The following ZNRF3 variants were observed in gnomAD, a reference collection of about 807,000 sequenced individuals.
The protein encoded by ZNRF3 is zinc and ring finger 3.
In ZNRF3, 23 loss-of-function variants were observed where a neutral mutation model predicts 72.5. The ratio of observed to expected loss-of-function variants is 0.32; its 90% CI spans 0.23 to 0.45. The LOEUF (loss-of-function observed/expected upper bound fraction) is 0.45, where lower values mean the gene tolerates loss of function less well. ZNRF3 is among the 20% of genes least tolerant of loss of function. ZNRF3 has a pLI of 1.00. For missense variants in ZNRF3, 1,169 were observed against 1,272.1 expected, an observed-to-expected ratio of 0.92 and a Z score of 1.23; for synonymous variants, 610 against 545.3, an observed-to-expected ratio of 1.12 and a Z score of -1.65.
At chr22:29,047,512 G>A (rs1569295520) in intron 6 of ZNRF3, among the ~76,000 whole-genome samples, 1 of 152,232 alleles carries the variant, frequency 6.6e-6, no homozygotes, top group African/African-American at 2.4e-5. Flanking sequence ...GAATAGAATA[G>A]TAGATTCTTA....
In ZNRF3 at chr22:29,046,801, G is replaced by A. The variant is rs774958169; in HGVS notation, c.830G>A (p.Gly277Glu). 3.7e-6 allele frequency: 6 copies of A among 1,611,844 alleles called. No homozygotes were observed. In the East Asian group the frequency reaches 1.3e-4, roughly 36 times the overall value. Residue 277 changes from glycine (G) to glutamate (E), a missense_variant, in exon 6 of 9, where the codon GGG becomes GAG. Gly to Glu is a moderately conservative substitution (Grantham distance 98). Coordinates refer to ENST00000544604, the MANE Select transcript of ZNRF3 (RefSeq NM_001206998.2). The part of the protein sequence containing the change: ...FNSKSKGRRE[G>E]SCGALDTLSS... ...TCCAAGAGCAAGGGGCGCCGGGAGG[G>A]GAGCTGTGGGGCCCTGGACACACTC...
intron 1 of ZNRF3, among the ~76,000 whole-genome samples, chr22:28,933,731 CA>C (rs1243619097): frequency 0.34 from 5,430 of 15,800 alleles, 529 homozygotes; most frequent in East Asian, 0.6. Flanking sequence ...CCACCCCCCC[CA>C]CACACACACA....
Position 29,050,349 on chromosome 22 carries a change from C to T in ZNRF3, c.2168C>T (p.Pro723Leu). Reference sequence around the variant, plus strand: ...GAGCCCCAGCCCTCCCCAGCCGGGCCTAGCGCCGGAGCAGCTGGCAGCAGC... The same window carrying T: ...GAGCCCCAGCCCTCCCCAGCCGGGCTTAGCGCCGGAGCAGCTGGCAGCAGC... Reference protein sequence around the residue: ...CCEPQPSPAGPSAGAAGSSTL... With the variant: ...CCEPQPSPAGLSAGAAGSSTL... The change falls in exon 8 of 9, where the codon CCT becomes CTT. Residue 723 changes from proline (P) to leucine (L), a missense_variant. By Grantham distance (98) the Pro-to-Leu change is moderately conservative (BLOSUM62 -3). Around this residue, in one of 2 missense-constraint regions of ZNRF3, gnomAD observed 783 missense variants for 731.4 expected, o/e 1.07. Transcript: ENST00000544604. 2 of 1,603,124 alleles carry T rather than the reference C, an allele frequency of 1.2e-6. No homozygotes were observed. Among genetic ancestry groups the T allele is most frequent in the Non-Finnish European group, 1.7e-6 (2 of 1,176,490 alleles).
chr22:29,031,983 G>C (rs1279526542), intron 2 of ZNRF3, among the ~76,000 whole-genome samples: 1 of 152,222 alleles, frequency 6.6e-6, no homozygotes, highest in African/African-American at 2.4e-5. Flanking sequence ...TTGAGTTGGG[G>C]ATTTTGAAGC....
Position 29,049,705 on chromosome 22 carries a change from C to T in ZNRF3, c.1524C>T (p.Leu508=). 1 of 1,605,716 alleles carries T rather than the reference C, an allele frequency of 6.2e-7. No individual in the cohort carries two copies. ...CTCCGAGCGGCAGTGGCAGCCTGCT[C>T]TTCCCCACCGTGGTGCACGTGGCCC... ...AFPPSGSGSL[L]FPTVVHVAPP... is the part of the protein sequence containing the mutation. The change falls in exon 8 of 9, where the codon CTC becomes CTT. Residue 508 remains leucine, a synonymous_variant. Transcript: ENST00000544604. This position sits in a 1 kb window ranked among gnomAD's most constrained non-coding sequence, Gnocchi z 5.2.
Position 29,048,561 on chromosome 22 carries a change from GC to G in ZNRF3, c.1015+71del. The G allele has an allele frequency of 6.7e-7, 1 of 1,502,768 alleles. No homozygotes were observed. The highest frequency in any genetic ancestry group is 1.1e-5 in the South Asian group (1 of 87,154). 93.1% of individuals were successfully genotyped at this position (1,502,768 alleles called of 1,614,324 possible). Reference sequence around the variant, plus strand: ...AGCTAGAGTGTGACACACACCGCAGGCTTGGGAACACTCAGAACCACCGTGG... The same window carrying G: ...AGCTAGAGTGTGACACACACCGCAGGTTGGGAACACTCAGAACCACCGTGG... On this transcript the variant is annotated intron_variant, in intron 7 of 8. Coordinates refer to ENST00000544604, the MANE Select transcript of ZNRF3 (RefSeq NM_001206998.2). The surrounding 1 kb of genome is among the most constrained non-coding windows in gnomAD (Gnocchi z 4.9).
chr22:28,994,172 C>CTTTTTTTTTTTT, intron 2 of ZNRF3, among the ~76,000 whole-genome samples: 1 of 78,762 alleles, frequency 1.3e-5, no homozygotes, highest in Non-Finnish European at 2.4e-5. Flanking sequence ...CCTTCAGTTC[C>CTTTTTTTTTTTT]TTTCTTTTTT....
At chr22:28,895,313 C>G (rs2033970787) in intron 1 of ZNRF3, among the ~76,000 whole-genome samples, 1 of 152,172 alleles carries the variant, frequency 6.6e-6, no homozygotes, top group African/African-American at 2.4e-5. Flanking sequence ...GATCTTTGCT[C>G]CTTCTCTCTT....
intron 1 of ZNRF3, among the ~76,000 whole-genome samples, chr22:28,893,465 C>T (rs547526228): frequency 1.2e-4 from 18 of 151,544 alleles, no homozygotes; most frequent in African/African-American, 4.1e-4. Flanking sequence ...TGTGAGCCAC[C>T]GTGCCAGCAT....
chr22:28,902,523 C>T (rs951466565), intron 1 of ZNRF3, among the ~76,000 whole-genome samples: 1 of 152,164 alleles, frequency 6.6e-6, no homozygotes, highest in Non-Finnish European at 1.5e-5. Context: ...GCTGGGACTA[C>T]AGGCGCCCTG....
chr22:29,053,790 C>T lies in ZNRF3; in HGVS notation c.*168C>T. The T allele has an allele frequency of 1.7e-6, 1 of 585,660 alleles. No homozygotes were observed. Among genetic ancestry groups the T allele is most frequent in the Non-Finnish European group, 3.0e-6 (1 of 335,988 alleles). The allele number at this position is 585,660 out of a possible 1,614,324, so 36.3% of individuals were successfully genotyped here. A position where few individuals can be genotyped will look rare whatever the true frequency, so the allele number is the denominator to read the frequency against. The stretch of plus-strand genomic sequence containing the variant: ...AAAATGTGAGCCCCCTGTGGCAAAA[C>T]CACCCCCTACCCCATTAACAAATCA... On this transcript the variant is annotated 3_prime_UTR_variant, in exon 9 of 9. Coordinates refer to ENST00000544604, the MANE Select transcript of ZNRF3 (RefSeq NM_001206998.2).
intron 1 of ZNRF3, among the ~76,000 whole-genome samples, chr22:28,890,849 C>T (rs1423866582): frequency 6.6e-6 from 1 of 151,930 alleles, no homozygotes; most frequent in Non-Finnish European, 1.5e-5. Flanking sequence ...TCTTGGACTC[C>T]TGGGCTCAGG....
intron 1 of ZNRF3, among the ~76,000 whole-genome samples, chr22:28,954,751 A>G (rs773212614): frequency 6.0e-5 from 9 of 151,232 alleles, no homozygotes; most frequent in Non-Finnish European, 1.0e-4. Context: ...AGTAGCTGGG[A>G]CTACAGGTGT....
intron 1 of ZNRF3, among the ~76,000 whole-genome samples, chr22:28,971,398 TTACTC>T (rs1262272268): frequency 6.6e-6 from 1 of 152,078 alleles, no homozygotes; most frequent in Non-Finnish European, 1.5e-5. Flanking sequence ...AAAGGGAACT[TTACTC>T]TTCTGATTCA....
At chr22:28,995,438 G>T (rs1336725444) in intron 2 of ZNRF3, among the ~76,000 whole-genome samples, 1 of 151,950 alleles carries the variant, frequency 6.6e-6, no homozygotes, top group Non-Finnish European at 1.5e-5. Flanking sequence ...AAAAAAAAAA[G>T]AAGAAATCCA....
At chr22:28,976,694 G>A (rs578072420) in intron 1 of ZNRF3, among the ~76,000 whole-genome samples, 4 of 152,162 alleles carry the variant, frequency 2.6e-5, no homozygotes, top group Non-Finnish European at 4.4e-5. Context: ...TCCTTTATAA[G>A]TTGCCTTGCA....
At chr22:28,994,469 A>G (rs991207185) in intron 2 of ZNRF3, among the ~76,000 whole-genome samples, 1 of 151,880 alleles carries the variant, frequency 6.6e-6, no homozygotes, top group East Asian at 1.9e-4. Context: ...GATTACAGGC[A>G]TGAGCCACCG....
intron 2 of ZNRF3, among the ~76,000 whole-genome samples, chr22:29,032,973 G>A (rs1233839071): frequency 6.6e-6 from 1 of 152,198 alleles, no homozygotes; most frequent in Non-Finnish European, 1.5e-5. Context: ...GGCAGGGGGT[G>A]GGTAATGTGC....
intron 1 of ZNRF3, among the ~76,000 whole-genome samples, chr22:28,937,258 A>C (rs2034856172): frequency 7.0e-6 from 1 of 142,794 alleles, no homozygotes; most frequent in Non-Finnish European, 1.5e-5. Context: ...AAAGAAAAAA[A>C]CTCATGCCAG....
Sources: allele counts gnomAD v4.1 joint callset (sites outside exome capture counted in the v4.1 genomes callset), GRCh38; gene constraint gnomAD v4.1.1; regional missense constraint gnomAD v4.1.1; non-coding constraint Gnocchi (gnomAD v3.1); transcripts MANE v1.5; gene names NCBI Gene and HGNC (gene_info 2026-07-23, HGNC 2026-07-21).